Variants in SIPA1L3 observed in about 807,000 individuals in gnomAD.
SIPA1L3 encodes the protein signal induced proliferation associated 1 like 3.
In SIPA1L3, 59 loss-of-function variants were observed where a neutral mutation model predicts 150.1. The ratio of observed to expected loss-of-function variants is 0.39; its 90% CI spans 0.32 to 0.49. The LOEUF (loss-of-function observed/expected upper bound fraction) is 0.49, where lower values mean the gene tolerates loss of function less well. Among genes scored for constraint, SIPA1L3 ranks in the 20% least tolerant of loss-of-function variants. The probability of loss-of-function intolerance (pLI) is 0.86; values close to 1 mark genes in which losing one functional copy is unlikely to be tolerated. For synonymous variants in SIPA1L3, 1,070 were observed against 1,077.6 expected (o/e 0.99, Z 0.14); for missense variants, 2,211 against 2,489.5 (o/e 0.89, Z 2.38).
At chr19:38,025,726 C>T (rs1159908777) in intron 1 of SIPA1L3, among the ~76,000 whole-genome samples, 1 of 152,116 alleles carries the variant, frequency 6.6e-6, no homozygotes, top group African/African-American at 2.4e-5. Flanking sequence ...GTTTTCTGAT[C>T]ATCCCAGGAA....
Position 38,088,773 on chromosome 19 carries a change from C to T in SIPA1L3, c.1587C>T (p.Ser529=). 1 of 1,614,098 alleles carries T rather than the reference C, an allele frequency of 6.2e-7. No individual in the cohort carries two copies. Among genetic ancestry groups the T allele is most frequent in the Non-Finnish European group, 8.5e-7 (1 of 1,179,968 alleles). The change falls in exon 4 of 22, where the codon AGC becomes AGT. Residue 529 remains serine, a synonymous_variant. Transcript: ENST00000222345. ...AGAAGCTGGGGCCAGTGGCTGTGAG[C>T]ATTAAGCGGGAGAAGCTGGAAGACC... The part of the protein sequence containing the change: ...VDEKLGPVAV[S]IKREKLEDHK...
At chr19:38,110,111 G>A (rs1970704085) in intron 7 of SIPA1L3, 116 bp from the exon 8 acceptor site, 1 of 985,108 alleles carries the variant, frequency 1.0e-6, no homozygotes, top group East Asian at 2.4e-5. Context: ...CTTGGGCTGT[G>A]TGTGAGCAGG....
At chr19:38,001,163 G>A (rs969895823) in intron 1 of SIPA1L3, among the ~76,000 whole-genome samples, 1 of 151,674 alleles carries the variant, frequency 6.6e-6, no homozygotes, top group African/African-American at 2.4e-5. Context: ...GTTGGGTGGA[G>A]TTACTTCAGA....
chr19:37,967,760 G>A (rs939455838), intron 1 of SIPA1L3, among the ~76,000 whole-genome samples: 4 of 152,096 alleles, frequency 2.6e-5, no homozygotes, highest in African/African-American at 7.2e-5. Context: ...CCATGTACTA[G>A]GGTTGTTAAA....
chr19:38,065,832 T>C (rs1599988467), intron 2 of SIPA1L3, among the ~76,000 whole-genome samples: 1 of 114,014 alleles, frequency 8.8e-6, no homozygotes. Context: ...AGCTCTACCT[T>C]GCTATTTATT....
intron 15 of SIPA1L3, among the ~76,000 whole-genome samples, chr19:38,176,054 A>G (rs988271381): frequency 1.3e-5 from 2 of 152,206 alleles, no homozygotes; most frequent in Non-Finnish European, 2.9e-5. Context: ...AAAAAATACA[A>G]AAATTAGCCA....
At chr19:38,134,031 T>G (rs1436994419) in intron 10 of SIPA1L3, among the ~76,000 whole-genome samples, 4 of 151,944 alleles carry the variant, frequency 2.6e-5, no homozygotes, top group African/African-American at 9.6e-5. Context: ...TTGCCCAGAC[T>G]GCAGTGCAGT....
At chr19:37,993,328 A>G (rs1352094832) in intron 1 of SIPA1L3, among the ~76,000 whole-genome samples, 1 of 151,792 alleles carries the variant, frequency 6.6e-6, no homozygotes, top group African/African-American at 2.4e-5. Context: ...TTTTATTGCT[A>G]TTATTATTAT....
At chr19:38,149,430 A>G (rs1971772093) in intron 12 of SIPA1L3, among the ~76,000 whole-genome samples, 2 of 152,214 alleles carry the variant, frequency 1.3e-5, no homozygotes, top group South Asian at 4.1e-4. Flanking sequence ...ACATGGTTGG[A>G]TAAAGTACGG....
At chr19:37,993,867 A>ATGCATAGCC (rs1967572001) in intron 1 of SIPA1L3, among the ~76,000 whole-genome samples, 1 of 152,278 alleles carries the variant, frequency 6.6e-6, no homozygotes, top group East Asian at 1.9e-4. Flanking sequence ...TTTTATTTCA[A>ATGCATAGCC]TGCATAGCAG....
In SIPA1L3 at chr19:38,047,513, G is replaced by A. The variant is rs1233660192; in HGVS notation, c.-311+18357G>A. Among the ~76,000 whole-genome samples the A allele has an allele frequency of 1.3e-5, 2 of 152,178 alleles. No individual in the cohort carries two copies. Among genetic ancestry groups the A allele is most frequent in the Non-Finnish European group, 2.9e-5 (2 of 68,030 alleles). On this transcript the variant is annotated intron_variant, in intron 2 of 21. Coordinates refer to ENST00000222345, the MANE Select transcript of SIPA1L3 (RefSeq NM_015073.3). This position sits in a 1 kb window ranked among gnomAD's most constrained non-coding sequence, Gnocchi z 4.7. ...GAACCGACATGGCCAGTGACACAAT[G>A]TCTCACTGGGTAGGTTTGTGTTATT...
chr19:38,011,980 A>G (rs1968110320), intron 1 of SIPA1L3, among the ~76,000 whole-genome samples: 2 of 152,040 alleles, frequency 1.3e-5, no homozygotes, highest in African/African-American at 4.8e-5. Flanking sequence ...GAGGGACAGG[A>G]AGGATTCTCC....
intron 12 of SIPA1L3, among the ~76,000 whole-genome samples, chr19:38,150,690 A>C (rs1971802638): frequency 6.6e-6 from 1 of 151,904 alleles, no homozygotes; most frequent in Non-Finnish European, 1.5e-5. Flanking sequence ...ACAGGCACAC[A>C]CCACCACACC....
intron 16 of SIPA1L3, among the ~76,000 whole-genome samples, chr19:38,187,719 A>T (rs1367274149): frequency 6.7e-6 from 1 of 150,104 alleles, no homozygotes; most frequent in Non-Finnish European, 1.5e-5. Context: ...CCGTCTCAAA[A>T]AAAAAAAAAA....
Position 38,141,378 on chromosome 19 carries a change from C to T in SIPA1L3, c.3338C>T (p.Pro1113Leu). 3.1e-6 allele frequency: 5 copies of T among 1,613,738 alleles called. No homozygotes were observed. Among genetic ancestry groups the T allele is most frequent in the Middle Eastern group, 1.7e-4 (1 of 6,060 alleles). Residue 1113 changes from proline to leucine, a missense_variant, in exon 11 of 22, where the codon CCC becomes CTC. Physicochemically the swap from Pro to Leu is moderately conservative, Grantham distance 98 (BLOSUM62 -3). Transcript: ENST00000222345. Reference sequence around the variant, plus strand: ...GGCCATGCCCAGTCCCTGAGCCGGCCCCTGAAGCAGACCCCCATAGTCCCC... The same window carrying T: ...GGCCATGCCCAGTCCCTGAGCCGGCTCCTGAAGCAGACCCCCATAGTCCCC... ...TPGHAQSLSR[P>L]LKQTPIVPFR... is the part of the protein sequence containing the mutation.
At chr19:37,942,684 G>A (rs2046670828) in intron 1 of SIPA1L3, among the ~76,000 whole-genome samples, 1 of 152,202 alleles carries the variant, frequency 6.6e-6, no homozygotes, top group South Asian at 2.1e-4. Context: ...CTGTTTTGCA[G>A]TGAGGAGAGA....
rs913961850 is a variant in SIPA1L3, at chr19:37,955,752, C to T, written c.-379+48394C>T. 2.0e-5 allele frequency among the ~76,000 whole-genome samples: 3 copies of T among 152,138 alleles called. 1 individual carries two copies. The highest frequency in any genetic ancestry group is 2.9e-5 in the Non-Finnish European group (2 of 68,034). ...AATAATATTCTATTGTATGGGTAAA[C>T]CACATTTTGTTTATTCGTTAACCAT... On this transcript the variant is annotated intron_variant, in intron 1 of 21. Transcript: ENST00000222345.
chr19:38,137,162 A>G (rs186610481), intron 10 of SIPA1L3, among the ~76,000 whole-genome samples: 2 of 152,170 alleles, frequency 1.3e-5, no homozygotes, highest in East Asian at 3.9e-4. Flanking sequence ...GTACCTCTCC[A>G]TGCTGCATGC....
intron 1 of SIPA1L3, among the ~76,000 whole-genome samples, chr19:37,928,618 G>C (rs928997926): frequency 3.3e-5 from 5 of 152,128 alleles, no homozygotes; most frequent in African/African-American, 9.7e-5. Context: ...AGAATCCCCA[G>C]AGGGCTAGGT....
Sources: gnomAD v4.1 joint callset for allele counts (sites outside exome capture counted in the v4.1 genomes callset) on GRCh38, gnomAD v4.1.1 for gene constraint, Gnocchi (gnomAD v3.1) non-coding constraint, MANE v1.5 for transcripts, NCBI Gene and HGNC (gene_info 2026-07-23, HGNC 2026-07-21) for gene names.